GNPDA1: variants seen among roughly 807,000 people sequenced by gnomAD.
The protein encoded by GNPDA1 is GNPDA 1.
A neutral mutation model predicts 28.5 loss-of-function variants in GNPDA1; 24 were observed. The ratio of observed to expected loss-of-function variants is 0.84; its 90% CI spans 0.61 to 1.19. The LOEUF is 1.19. Among genes scored for constraint, GNPDA1 ranks in the 50% most tolerant of loss-of-function variants. The pLI, the probability that GNPDA1 is intolerant of heterozygous loss-of-function variation, is 0.00. For missense variants in GNPDA1, 264 were observed against 367.3 expected, an observed-to-expected ratio of 0.72 and a Z score of 2.30; for synonymous variants, 147 against 139.3, an observed-to-expected ratio of 1.06 and a Z score of -0.39.
chr5:142,002,115 GA>G lies in GNPDA1; in HGVS notation c.783del (p.His262IlefsTer60). 1 of 1,575,844 alleles carries G rather than the reference GA, an allele frequency of 6.3e-7. No individual in the cohort carries two copies. The highest frequency in any genetic ancestry group is 1.1e-5 in the South Asian group (1 of 89,116). Reference protein sequence around the residue: ...TVKYFKGLMLVHNKLVDPLYS... With the variant: ...TVKYFKGLMLXHNKLVDPLYS... ...TACAAGGGGTCCACCAACTTGTTAT[GA>G]ACAAGCATTAAACCTACAAAAAATT... On this transcript the variant is annotated frameshift_variant, in exon 7 of 7. Coordinates refer to ENST00000311337, the MANE Select transcript of GNPDA1 (RefSeq NM_005471.5). LOFTEE classifies it high-confidence loss of function.
intron 4 of GNPDA1, 77 bp downstream of exon 4, chr5:142,006,067 G>T: frequency 1.6e-6 from 2 of 1,221,738 alleles, no homozygotes; most frequent in Non-Finnish European, 2.4e-6. Context: ...GAAGCTGTCT[G>T]CAGACAGGCA....
intron 2 of GNPDA1, among the ~76,000 whole-genome samples, chr5:142,010,577 C>T (rs1408235366): frequency 6.0e-5 from 9 of 149,926 alleles, no homozygotes; most frequent in Non-Finnish European, 1.3e-4. Context: ...ATTGCACAAT[C>T]ATGGTTCACT....
chr5:142,004,724 C>T (rs562978101), intron 5 of GNPDA1, among the ~76,000 whole-genome samples: 6 of 152,348 alleles, frequency 3.9e-5, no homozygotes, highest in Admixed American at 3.3e-4. Flanking sequence ...GCACCAAAAA[C>T]GTGCTCAAGG....
intron 5 of GNPDA1, among the ~76,000 whole-genome samples, chr5:142,004,345 A>G (rs1390655991): frequency 6.6e-6 from 1 of 152,264 alleles, no homozygotes; most frequent in East Asian, 1.9e-4. Flanking sequence ...ACATGTCTAT[A>G]CACGTCAGAA....
intron 5 of GNPDA1, 172 bp downstream of exon 5, chr5:142,004,760 A>T: frequency 2.1e-6 from 1 of 478,568 alleles, no homozygotes; most frequent in Non-Finnish European, 3.7e-6. Flanking sequence ...GGGAATAATG[A>T]TGTCTTCCAA....
chr5:142,011,518 T>G (rs1384669906), intron 2 of GNPDA1, among the ~76,000 whole-genome samples: 1 of 152,246 alleles, frequency 6.6e-6, no homozygotes, highest in Non-Finnish European at 1.5e-5. Flanking sequence ...ATCTTTTCAA[T>G]TCTCCCAAGG....
Position 142,002,148 on chromosome 5 carries a change from A to T in GNPDA1, c.770-19T>A. On this transcript the variant is annotated intron_variant, in intron 6 of 6. Transcript: ENST00000311337. ...ATTAAACCTACAAAAAATTAAAAAC[A>T]AAAAGTAGTTAATTCAGGCAGTGGC... 1 of 1,317,518 alleles carries T rather than the reference A, an allele frequency of 7.6e-7. No individual in the cohort carries two copies. The highest frequency in any genetic ancestry group is 1.1e-6 in the Non-Finnish European group (1 of 916,020). 81.6% of individuals were successfully genotyped at this position (1,317,518 alleles called of 1,614,324 possible).
intron 1 of GNPDA1, 130 bp from the exon 2 acceptor site, chr5:142,012,171 G>A (rs1261529593): frequency 1.1e-6 from 1 of 944,964 alleles, no homozygotes; most frequent in Non-Finnish European, 1.5e-6. Flanking sequence ...CCAGGAAAAA[G>A]GCCTTTCTAT....
intron 6 of GNPDA1, among the ~76,000 whole-genome samples, chr5:142,002,443 A>G (rs925465175): frequency 1.3e-5 from 2 of 152,230 alleles, no homozygotes; most frequent in Admixed American, 1.3e-4. Flanking sequence ...TGCCTAAAGC[A>G]GTGTGCATCC....
intron 2 of GNPDA1, 38 bp downstream of exon 2, chr5:142,011,874 A>AC (rs776259168): frequency 6.2e-7 from 1 of 1,612,088 alleles, no homozygotes; most frequent in African/African-American, 1.3e-5. Flanking sequence ...TACTCTCTCC[A>AC]CCCTTATCCA....
Position 142,002,048 on chromosome 5 carries a change from T to C in GNPDA1, c.851A>G (p.Lys284Arg), listed in dbSNP as rs1224560968. The C allele has an allele frequency of 3.1e-6, 5 of 1,589,230 alleles. No homozygotes were observed. In the South Asian group the frequency reaches 5.5e-5, roughly 18 times the overall value. Reference sequence around the variant, plus strand: ...CACAGGCTAATCGCTGTATGGTTTCTTCGAAGATTGGCTTTTCTCAGTTTC... The same window carrying C: ...CACAGGCTAATCGCTGTATGGTTTCCTCGAAGATTGGCTTTTCTCAGTTTC... ...EKETEKSQSS[K>R]KPYSD The change falls in exon 7 of 7, where the codon AAG (lysine) becomes AGG (arginine). Residue 284 changes from lysine to arginine, a missense_variant. By Grantham distance (26) the Lys-to-Arg change is conservative (BLOSUM62 2). Transcript: ENST00000311337.
In GNPDA1 at chr5:142,003,208, C is replaced by A. The variant is rs758634512; in HGVS notation, c.649G>T (p.Glu217Ter). The A allele has an allele frequency of 6.8e-6, 11 of 1,613,698 alleles. No homozygotes were observed. Among genetic ancestry groups the A allele is most frequent in the Non-Finnish European group, 9.3e-6 (11 of 1,179,722 alleles). The stretch of plus-strand genomic sequence containing the variant: ...GTCCACATGTGGTTCACTCCCTCCT[C>A]GATGGCCTTGTACAGAGCAAATGCC... ...HKAFALYKAI[E>*]EGVNHMWTVS... is the part of the protein sequence containing the mutation. Residue 217 changes from glutamate to a stop codon, truncating the protein, a stop_gained, in exon 6 of 7, where the codon GAG (glutamate) becomes TAG (stop). Coordinates refer to ENST00000311337, the MANE Select transcript of GNPDA1 (RefSeq NM_005471.5). LOFTEE classifies it high-confidence loss of function. This position sits in a 1 kb window ranked among gnomAD's most constrained non-coding sequence, Gnocchi z 4.0.
At chr5:142,004,907 G>C in intron 5 of GNPDA1, 25 bp downstream of exon 5, 1 of 1,524,076 alleles carries the variant, frequency 6.6e-7, no homozygotes, top group Non-Finnish European at 8.9e-7. Context: ...ACCAGCGCAA[G>C]CTGGTGGGGC....
intron 6 of GNPDA1, 135 bp downstream of exon 6, chr5:142,002,953 G>T: frequency 1.5e-6 from 1 of 656,538 alleles, no homozygotes; most frequent in Non-Finnish European, 2.6e-6. Context: ...TGTGTAGTGT[G>T]ATGCAGTTGG....
Position 142,011,281 on chromosome 5 carries a change from A to AAC in GNPDA1, c.124+629_124+630dup, listed in dbSNP as rs3045628. 1.5e-3 allele frequency among the ~76,000 whole-genome samples: 231 copies of AAC among 149,992 alleles called. 1 individual carries two copies. The South Asian group carries it at 0.016, about 11-fold the overall frequency. ...AAAGAACAAGTTTGAAGACCCCTCC[A>AAC]ACACACACACACACACATAGACACG... On this transcript the variant is annotated intron_variant, in intron 2 of 6. Coordinates refer to ENST00000311337, the MANE Select transcript of GNPDA1 (RefSeq NM_005471.5).
intron 3 of GNPDA1, 126 bp from the exon 4 acceptor site, chr5:142,006,452 G>A (rs1210387424): frequency 1.5e-6 from 1 of 674,474 alleles, no homozygotes; most frequent in East Asian, 2.8e-5. Context: ...GGGAGCCTTA[G>A]GCACCAGCCC....
chr5:142,011,426 A>G (rs1755952311), intron 2 of GNPDA1, among the ~76,000 whole-genome samples: 1 of 152,124 alleles, frequency 6.6e-6, no homozygotes, highest in South Asian at 2.1e-4. Flanking sequence ...CAACATTTTG[A>G]TTTTTTCCAA....
chr5:142,011,762 T>C, intron 2 of GNPDA1, 150 bp downstream of exon 2: 1 of 759,478 alleles, frequency 1.3e-6, no homozygotes, highest in South Asian at 1.9e-5. Flanking sequence ...CTGGGTCCTT[T>C]GTATGTGGAA....
intron 4 of GNPDA1, 113 bp from the exon 5 acceptor site, chr5:142,005,229 T>A (rs1755773752): frequency 1.3e-6 from 1 of 785,554 alleles, no homozygotes; most frequent in Non-Finnish European, 2.0e-6. Flanking sequence ...GAAAGCTGTG[T>A]CACCTTTCTC....
Sources: allele counts gnomAD v4.1 joint callset (sites outside exome capture counted in the v4.1 genomes callset), GRCh38; gene constraint gnomAD v4.1.1; non-coding constraint Gnocchi (gnomAD v3.1); transcripts MANE v1.5; gene names NCBI Gene and HGNC (gene_info 2026-07-23, HGNC 2026-07-21).